Variants in GPR19 observed in about 807,000 individuals in gnomAD.
GPR19 encodes G protein-coupled receptor 19, also known as probable G protein-coupled receptor 19.
In GPR19, 14 loss-of-function variants were observed where a neutral mutation model predicts 28.5. The observed-to-expected ratio is 0.49, with a 90% CI of 0.32 to 0.77. GPR19 has a LOEUF of 0.77. Among genes scored for constraint, GPR19 ranks in the 30% least tolerant of loss-of-function variants. The probability of loss-of-function intolerance (pLI) is 0.03; values close to 1 mark genes in which losing one functional copy is unlikely to be tolerated. For missense variants in GPR19, 409 were observed against 504.1 expected (o/e 0.81, Z 1.81); for synonymous variants, 173 against 184.1 (o/e 0.94, Z 0.49).
chr12:12,703,384 G>A, the GPR19 span: 21 of 985,340 alleles, frequency 2.1e-5, no homozygotes, highest in South Asian at 1.9e-4. Flanking sequence ...GTGCGTGTTC[G>A]TGTGTGTAAC....
intron 3 of GPR19, among the ~76,000 whole-genome samples, chr12:12,671,262 CACCACTGCACTCCA>C (rs1243140357): frequency 6.6e-6 from 1 of 150,896 alleles, no homozygotes; most frequent in Non-Finnish European, 1.5e-5. Context: ...GCTGAGATTA[CACCACTGCACTCCA>C]ACCCAGACAA....
chr12:12,665,841 AAAAAAAAG>A (rs1945768336), intron 3 of GPR19, among the ~76,000 whole-genome samples: 1 of 149,238 alleles, frequency 6.7e-6, no homozygotes, highest in African/African-American at 2.5e-5. Context: ...AAAAAAAAAA[AAAAAAAAG>A]AAAACAAAGA....
intron 3 of GPR19, among the ~76,000 whole-genome samples, chr12:12,682,668 T>C (rs1170381920): frequency 1.3e-5 from 2 of 152,146 alleles, no homozygotes; most frequent in African/African-American, 4.8e-5. Context: ...TTCAATATTG[T>C]AGGGGACACA....
At chr12:12,664,331 A>G (rs1033530173) in intron 3 of GPR19, among the ~76,000 whole-genome samples, 9 of 152,126 alleles carry the variant, frequency 5.9e-5, no homozygotes, top group African/African-American at 2.2e-4. Flanking sequence ...TTTGTGGTAG[A>G]GAAAGAAGTG....
At chr12:12,677,946 C>T (rs916717105) in intron 3 of GPR19, among the ~76,000 whole-genome samples, 2 of 151,726 alleles carry the variant, frequency 1.3e-5, no homozygotes, top group African/African-American at 2.4e-5. Context: ...TGGTGGTGGG[C>T]GCCTGTAATC....
At chr12:12,711,716 C>G in the GPR19 span, among the ~76,000 whole-genome samples, 7 of 152,158 alleles carry the variant, frequency 4.6e-5, no homozygotes, top group African/African-American at 1.7e-4. Flanking sequence ...CCCAAGAGTT[C>G]AAGGTTATAG....
intron 2 of GPR19, among the ~76,000 whole-genome samples, chr12:12,690,656 A>G (rs992047787): frequency 6.6e-5 from 10 of 152,160 alleles, no homozygotes; most frequent in Non-Finnish European, 1.2e-4. Context: ...CTGCCCCTAA[A>G]TGGTGGCCTT....
intron 3 of GPR19, among the ~76,000 whole-genome samples, chr12:12,674,154 GT>G (rs1195278341): frequency 7.1e-6 from 1 of 140,838 alleles, no homozygotes; most frequent in Non-Finnish European, 1.5e-5. Context: ...GGAGGTTGCA[GT>G]GAGCCGAGAT....
At chr12:12,665,888 C>T (rs1945770658) in intron 3 of GPR19, among the ~76,000 whole-genome samples, 1 of 144,972 alleles carries the variant, frequency 6.9e-6, no homozygotes, top group African/African-American at 2.5e-5. Context: ...TATTATAACT[C>T]AATTTGATAA....
chr12:12,661,678 G>A lies in GPR19; in HGVS notation c.771C>T (p.Gly257=), dbSNP rs780532101. ...IKYIWRIGTD[G]RTVRRTMNIV... ...TGTTCATTGTCCTCCTCACCGTTCGGCCATCTGTGCCTATTCTCCAAATAT... is the reference window on the plus strand; with the variant it reads ...TGTTCATTGTCCTCCTCACCGTTCGACCATCTGTGCCTATTCTCCAAATAT... Residue 257 remains glycine (G), a synonymous_variant, in exon 4 of 4, where the codon GGC becomes GGT. Transcript: ENST00000651487. This position sits in a 1 kb window ranked among gnomAD's most constrained non-coding sequence, Gnocchi z 4.2. 1.2e-5 allele frequency: 20 copies of A among 1,613,880 alleles called. No homozygotes were observed. The highest frequency in any genetic ancestry group is 1.7e-5 in the Non-Finnish European group (20 of 1,179,784).
chr12:12,695,021 T>C (rs1946242667), intron 2 of GPR19, among the ~76,000 whole-genome samples: 1 of 152,242 alleles, frequency 6.6e-6, no homozygotes, highest in Admixed American at 6.5e-5. Flanking sequence ...TTCTATATAT[T>C]CACACTGGGA....
Position 12,662,347 on chromosome 12 carries a change from A to G in GPR19, c.102T>C (p.Pro34=). Residue 34 remains proline (P), a synonymous_variant, in exon 4 of 4, where the codon CCT becomes CCC. Coordinates refer to ENST00000651487, the MANE Select transcript of GPR19 (RefSeq NM_006143.3). ...ATTCCATCAGGTATTGGCTTGGCAG[A>G]GGTGTGGCTGTTTCAGTGCAGCTGC... ...QNRSCTETAT[P]LPSQYLMELS... is the part of the protein sequence containing the mutation. 6.2e-7 allele frequency: 1 copy of G among 1,614,232 alleles called. No homozygotes were observed. Among genetic ancestry groups the G allele is most frequent in the Non-Finnish European group, 8.5e-7 (1 of 1,180,032 alleles).
At chr12:12,716,675 A>G in the GPR19 span, 686 of 787,848 alleles carry the variant, frequency 8.7e-4, 1 homozygote, top group South Asian at 1.3e-3. Flanking sequence ...TGAGTTCATG[A>G]TAAGTGCCGC....
chr12:12,690,153 T>C (rs1946163284), intron 2 of GPR19, among the ~76,000 whole-genome samples: 1 of 152,232 alleles, frequency 6.6e-6, no homozygotes, highest in South Asian at 2.1e-4. Context: ...TTCCAAGATA[T>C]TAAACTGTAG....
intron 2 of GPR19, among the ~76,000 whole-genome samples, chr12:12,691,573 A>G (rs1946181173): frequency 6.6e-6 from 1 of 152,158 alleles, no homozygotes; most frequent in Admixed American, 6.5e-5. Context: ...TTTCCTTTTC[A>G]CCATAGTACT....
intron 2 of GPR19, among the ~76,000 whole-genome samples, chr12:12,688,274 C>T (rs1243115848): frequency 1.3e-5 from 2 of 151,770 alleles, no homozygotes; most frequent in Non-Finnish European, 2.9e-5. Flanking sequence ...ATGTAACCTA[C>T]TCAATGTTAC....
At chr12:12,712,980 C>G in the GPR19 span, among the ~76,000 whole-genome samples, 1 of 152,110 alleles carries the variant, frequency 6.6e-6, no homozygotes, top group Non-Finnish European at 1.5e-5. Flanking sequence ...CTCCTAATGC[C>G]CCAATGGCTT....
chr12:12,700,137 CTCTT>C (rs1179412263), upstream of GPR19, among the ~76,000 whole-genome samples: 2 of 131,170 alleles, frequency 1.5e-5, no homozygotes, highest in Non-Finnish European at 3.3e-5. Context: ...TGAGGCCTCT[CTCTT>C]CTTTTTTCTC....
intron 3 of GPR19, among the ~76,000 whole-genome samples, chr12:12,664,921 A>G (rs1158340348): frequency 7.7e-4 from 16 of 20,852 alleles, no homozygotes; most frequent in Admixed American, 4.2e-3. Flanking sequence ...CGCCATCTCA[A>G]AAAAAAAAAA....
Sources: allele counts gnomAD v4.1 joint callset (sites outside exome capture counted in the v4.1 genomes callset), GRCh38; gene constraint gnomAD v4.1.1; non-coding constraint Gnocchi (gnomAD v3.1); transcripts MANE v1.5; gene names NCBI Gene and HGNC (gene_info 2026-07-23, HGNC 2026-07-21).